ANKRD30A: variants seen among roughly 807,000 people sequenced by gnomAD.
The protein encoded by ANKRD30A is ankyrin repeat domain 30A, also known as ankyrin repeat domain-containing protein 30A.
Under a neutral mutation model 166.3 loss-of-function variants are expected in ANKRD30A, and 170 were observed. The ratio of observed to expected loss-of-function variants is 1.02; its 90% CI spans 0.90 to 1.16. ANKRD30A has a LOEUF of 1.16. Ranked by LOEUF, ANKRD30A falls within the 50% of genes most tolerant of loss-of-function variation. The pLI, the probability that ANKRD30A is intolerant of heterozygous loss-of-function variation, is 0.00. For missense variants in ANKRD30A, 1,630 were observed against 1,518.0 expected, an observed-to-expected ratio of 1.07 and a Z score of -1.23; for synonymous variants, 564 against 508.9, an observed-to-expected ratio of 1.11 and a Z score of -1.46.
intron 1 of ANKRD30A, among the ~76,000 whole-genome samples, chr10:37,126,750 T>A: frequency 6.6e-6 from 1 of 152,088 alleles, no homozygotes; most frequent in East Asian, 1.9e-4. Context: ...AATGTGGTAT[T>A]AATTTGCACA....
At chr10:37,208,115 T>G (rs1166601780) in intron 31 of ANKRD30A, among the ~76,000 whole-genome samples, 1 of 152,080 alleles carries the variant, frequency 6.6e-6, no homozygotes, top group Non-Finnish European at 1.5e-5. Context: ...GGTCAGGGTT[T>G]TGATAAGGAA....
intron 32 of ANKRD30A, 78 bp downstream of exon 32, chr10:37,216,472 C>G: frequency 7.4e-7 from 1 of 1,360,144 alleles, no homozygotes; most frequent in Non-Finnish European, 9.9e-7. Flanking sequence ...TAATAGCTGA[C>G]TTACCTTCTG....
At chr10:37,140,843 T>C (rs1316829949) in intron 6 of ANKRD30A, among the ~76,000 whole-genome samples, 1 of 152,206 alleles carries the variant, frequency 6.6e-6, no homozygotes, top group African/African-American at 2.4e-5. Context: ...AAAGGACCTC[T>C]GTAAGTTAGG....
At chr10:37,167,077 G>A (rs933221901) in intron 19 of ANKRD30A, among the ~76,000 whole-genome samples, 1 of 151,952 alleles carries the variant, frequency 6.6e-6, no homozygotes, top group African/African-American at 2.4e-5. Flanking sequence ...AGGAAAGATC[G>A]GATGCAGGGG....
At chr10:37,198,138 G>T (rs1222235681) in intron 29 of ANKRD30A, among the ~76,000 whole-genome samples, 2 of 152,010 alleles carry the variant, frequency 1.3e-5, no homozygotes, top group African/African-American at 2.4e-5. Context: ...ACCATTTATT[G>T]CCCAGAAGTA....
chr10:37,233,309 G>T (rs192677582), downstream of ANKRD30A, among the ~76,000 whole-genome samples: 1 of 152,048 alleles, frequency 6.6e-6, no homozygotes, highest in African/African-American at 2.4e-5. Flanking sequence ...GTGCTTCAGG[G>T]TCATAAAACT....
In ANKRD30A at chr10:37,193,172, C is replaced by G; in HGVS notation, c.2542-14C>G. ...ACATTGTATATTAATTGTTTTGTTT[C>G]TAAACCCATTTAGGCTCCCTGCAGA... On this transcript the variant is annotated splice_polypyrimidine_tract_variant and intron_variant, in intron 26 of 35. Transcript: ENST00000361713. The G allele has an allele frequency of 6.2e-7, 1 of 1,611,578 alleles. No individual in the cohort carries two copies. The highest frequency in any genetic ancestry group is 8.5e-7 in the Non-Finnish European group (1 of 1,179,170).
rs1282479818 is a variant in ANKRD30A at position 37,192,924 on chromosome 10, C to G, written c.2513-140C>G. 5.5e-6 allele frequency: 8 copies of G among 1,458,818 alleles called. No individual in the cohort carries two copies. In the Admixed American group the frequency reaches 8.6e-5, roughly 16 times the overall value. The allele number at this position is 1,458,818 out of a possible 1,614,324, so 90.4% of individuals were successfully genotyped here. On this transcript the variant is annotated intron_variant, in intron 25 of 35. Coordinates refer to ENST00000361713, the MANE Select transcript of ANKRD30A (RefSeq NM_052997.3). Reference sequence around the variant, plus strand: ...GTTGGCATGATAACAAATACAGTAACCCAAAAGACCCCAAAAGCTAGTGTA... The same window carrying G: ...GTTGGCATGATAACAAATACAGTAAGCCAAAAGACCCCAAAAGCTAGTGTA...
At chr10:37,233,161 C>G (rs945985720), downstream of ANKRD30A, among the ~76,000 whole-genome samples, 1 of 152,074 alleles carries the variant, frequency 6.6e-6, no homozygotes, top group Non-Finnish European at 1.5e-5. Context: ...CTTTCTCAGA[C>G]AGCATTGCTG....
At chr10:37,257,932 A>G in the ANKRD30A span, among the ~76,000 whole-genome samples, 2 of 152,148 alleles carry the variant, frequency 1.3e-5, no homozygotes, top group Non-Finnish European at 1.5e-5. Flanking sequence ...ACATGGACAC[A>G]GGGAGGGAAA....
At position 37,141,932 on chromosome 10, in the gene ANKRD30A, G is replaced by A. The variant is rs768093815; in HGVS notation, c.1035G>A (p.Ala345=). The change falls in exon 7 of 36, where the codon GCG becomes GCA. Residue 345 remains alanine (A), a synonymous_variant. Coordinates refer to ENST00000361713, the MANE Select transcript of ANKRD30A (RefSeq NM_052997.3). ...ACAAAATTCAATGTTTGGAGAAAGC[G>A]ACATCTGGAAAGTTCGAACAGTCAG... The part of the protein sequence containing the change: ...TSDKIQCLEK[A]TSGKFEQSAE... 25 of 1,614,082 alleles carry A rather than the reference G, an allele frequency of 1.5e-5. No homozygotes were observed. Among genetic ancestry groups the A allele is most frequent in the South Asian group, 2.2e-5 (2 of 91,092 alleles).
the ANKRD30A span, among the ~76,000 whole-genome samples, chr10:37,260,816 A>G: frequency 6.6e-6 from 1 of 152,286 alleles, no homozygotes; most frequent in South Asian, 2.1e-4. Flanking sequence ...TAAATACCAC[A>G]TGTTCTCACT....
the ANKRD30A span, among the ~76,000 whole-genome samples, chr10:37,261,161 G>A: frequency 6.6e-6 from 1 of 152,260 alleles, no homozygotes; most frequent in South Asian, 2.1e-4. Flanking sequence ...CTCCGTGCAG[G>A]TTTAGTTGAC....
At position 37,165,792 on chromosome 10, in the gene ANKRD30A, C is replaced by T. The variant is rs112205578; in HGVS notation, c.2064+637C>T. ...CCTTATGGCAGTCAAGCTACAGCAG[C>T]ATGAGCGTCAAATCATAGTGATGTA... On this transcript the variant is annotated intron_variant, in intron 18 of 35. Transcript: ENST00000361713. Among the ~76,000 whole-genome samples the T allele has an allele frequency of 2.7e-3, 417 of 152,160 alleles. 3 individuals are homozygous for T. Among genetic ancestry groups the T allele is most frequent in the African/African-American group, 8.6e-3 (355 of 41,510 alleles).
At chr10:37,155,858 G>A (rs1838330976) in intron 13 of ANKRD30A, among the ~76,000 whole-genome samples, 1 of 152,100 alleles carries the variant, frequency 6.6e-6, no homozygotes, top group African/African-American at 2.4e-5. Flanking sequence ...GACGCGGGCG[G>A]ATCACAAGGT....
At chr10:37,259,032 C>T in the ANKRD30A span, among the ~76,000 whole-genome samples, 2 of 143,782 alleles carry the variant, frequency 1.4e-5, no homozygotes, top group Non-Finnish European at 3.0e-5. Context: ...CTGGAGTTGA[C>T]AAAAATTTCT....
Position 37,141,876 on chromosome 10 carries a change from G to A in ANKRD30A, c.979G>A (p.Glu327Lys). Residue 327 changes from glutamate (E) to lysine (K), a missense_variant, in exon 7 of 36, where the codon GAG becomes AAG. This residue lies in a region of ANKRD30A where 904 missense variants were observed against 818.5 expected (regional missense o/e 1.10). Transcript: ENST00000361713. ...AESLVEKTPDEAASLVEGTSD... is the reference protein window; with the variant it reads ...AESLVEKTPDKAASLVEGTSD... ...AAGCTTGGTGGAAAAAACACCTGAT[G>A]AGGCTGCATCCTTGGTGGAGGGAAC... The A allele has an allele frequency of 6.2e-7, 1 of 1,604,614 alleles. No individual in the cohort carries two copies. The highest frequency in any genetic ancestry group is 8.5e-7 in the Non-Finnish European group (1 of 1,176,820).
At chr10:37,236,704 A>G (rs572076443), downstream of ANKRD30A, among the ~76,000 whole-genome samples, 1 of 152,228 alleles carries the variant, frequency 6.6e-6, no homozygotes, top group Non-Finnish European at 1.5e-5. Context: ...GTACCAATTA[A>G]TGACAAGAGG....
chr10:37,204,824 T>G (rs570850019), intron 31 of ANKRD30A, among the ~76,000 whole-genome samples: 1 of 152,326 alleles, frequency 6.6e-6, no homozygotes, highest in South Asian at 2.1e-4. Flanking sequence ...AAGATATTTA[T>G]GCAGACAACA....
Sources: gnomAD v4.1 joint callset for allele counts (sites outside exome capture counted in the v4.1 genomes callset) on GRCh38, gnomAD v4.1.1 for gene constraint, gnomAD v4.1.1 regional missense constraint, MANE v1.5 for transcripts, NCBI Gene and HGNC (gene_info 2026-07-23, HGNC 2026-07-21) for gene names.